Variants in SYT9 observed in about 807,000 individuals in gnomAD.
SYT9 encodes the protein synaptotagmin-9.
Under a neutral mutation model 48.4 loss-of-function variants are expected in SYT9, and 22 were observed. The observed-to-expected ratio is 0.45, with a 90% CI of 0.32 to 0.65. SYT9 has a LOEUF of 0.65. Among genes scored for constraint, SYT9 ranks in the 30% least tolerant of loss-of-function variants. The probability of loss-of-function intolerance (pLI) is 0.03; values close to 1 mark genes in which losing one functional copy is unlikely to be tolerated. For missense variants in SYT9, 577 were observed against 622.0 expected (o/e 0.93, Z 0.77); for synonymous variants, 265 against 245.0 (o/e 1.08, Z -0.76).
At chr11:7,379,728 A>G (rs1196859030) in intron 3 of SYT9, among the ~76,000 whole-genome samples, 1 of 152,102 alleles carries the variant, frequency 6.6e-6, no homozygotes, top group African/African-American at 2.4e-5. Context: ...TGGTTACTCA[A>G]CTGTCTTTCA....
intron 3 of SYT9, among the ~76,000 whole-genome samples, chr11:7,376,617 A>G (rs12786768): frequency 6.6e-6 from 1 of 151,754 alleles, no homozygotes; most frequent in Non-Finnish European, 1.5e-5. Flanking sequence ...GGCTGTTACC[A>G]AGAAGTGGAT....
intron 3 of SYT9, among the ~76,000 whole-genome samples, chr11:7,335,294 T>G (rs1021982555): frequency 2.6e-5 from 4 of 152,176 alleles, no homozygotes; most frequent in African/African-American, 9.7e-5. Flanking sequence ...TACAAAATCT[T>G]TGGTCAATTT....
intron 1 of SYT9, among the ~76,000 whole-genome samples, chr11:7,296,129 G>A (rs372250371): frequency 6.6e-6 from 1 of 152,164 alleles, no homozygotes; most frequent in African/African-American, 2.4e-5. Context: ...CTTACATTCA[G>A]TGAGCACTTC....
chr11:7,313,290 GCTC>G, intron 2 of SYT9, 102 bp from the exon 3 acceptor site: 1 of 1,219,864 alleles, frequency 8.2e-7, no homozygotes, highest in Non-Finnish European at 1.1e-6. Context: ...ACAGATCTAA[GCTC>G]CTGACAAAAT....
chr11:7,340,695 C>G (rs551719592), intron 3 of SYT9, among the ~76,000 whole-genome samples: 3 of 152,292 alleles, frequency 2.0e-5, no homozygotes, highest in East Asian at 1.9e-4. Context: ...TGCAGACTCT[C>G]TAGAGCCTGG....
chr11:7,442,483 A>C (rs1282999818), intron 6 of SYT9, among the ~76,000 whole-genome samples: 4 of 152,196 alleles, frequency 2.6e-5, no homozygotes, highest in African/African-American at 7.2e-5. Context: ...CGTGCTGCCA[A>C]CACTGTGACT....
chr11:7,309,026 T>C (rs1564856314), intron 2 of SYT9, among the ~76,000 whole-genome samples: 1 of 152,214 alleles, frequency 6.6e-6, no homozygotes, highest in African/African-American at 2.4e-5. Flanking sequence ...GGCGTGAAAG[T>C]ATGTTTTTGA....
chr11:7,278,789 A>G, intron 1 of SYT9, among the ~76,000 whole-genome samples: 1 of 152,220 alleles, frequency 6.6e-6, no homozygotes, highest in African/African-American at 2.4e-5. Flanking sequence ...GTGGAGAAGA[A>G]GGGGAGACTG....
At chr11:7,347,286 C>T (rs968073948) in intron 3 of SYT9, among the ~76,000 whole-genome samples, 2 of 151,898 alleles carry the variant, frequency 1.3e-5, no homozygotes, top group Non-Finnish European at 2.9e-5. Flanking sequence ...GGCTGGAGTG[C>T]GATGGCACGA....
chr11:7,242,599 T>G (rs1410179644), intron 1 of SYT9, among the ~76,000 whole-genome samples: 7 of 152,214 alleles, frequency 4.6e-5, no homozygotes, highest in Admixed American at 2.6e-4. Context: ...ATTTTAACTT[T>G]GAAATAGACC....
intron 6 of SYT9, among the ~76,000 whole-genome samples, chr11:7,446,169 G>T (rs943880140): frequency 6.6e-5 from 10 of 152,230 alleles, no homozygotes; most frequent in African/African-American, 1.9e-4. Context: ...GGCTGCAAAG[G>T]AAATGAAAAG....
intron 3 of SYT9, among the ~76,000 whole-genome samples, chr11:7,315,745 G>A (rs1163602398): frequency 6.6e-6 from 1 of 152,198 alleles, no homozygotes; most frequent in Non-Finnish European, 1.5e-5. Context: ...AGTGGCAGGT[G>A]ATGGAGACCT....
intron 1 of SYT9, among the ~76,000 whole-genome samples, chr11:7,294,487 C>T (rs1848755695): frequency 6.6e-6 from 1 of 152,130 alleles, no homozygotes; most frequent in South Asian, 2.1e-4. Flanking sequence ...ACCTGTGAAA[C>T]CAAACAAGTT....
intron 1 of SYT9, among the ~76,000 whole-genome samples, chr11:7,287,239 A>G (rs1332578727): frequency 1.3e-5 from 2 of 152,184 alleles, no homozygotes; most frequent in African/African-American, 2.4e-5. Context: ...TGAAGGGGGG[A>G]AAAGCCCCTT....
intron 3 of SYT9, among the ~76,000 whole-genome samples, chr11:7,384,561 G>A (rs1480803615): frequency 6.6e-6 from 1 of 152,096 alleles, no homozygotes; most frequent in Non-Finnish European, 1.5e-5. Context: ...CACCTGCACT[G>A]CTTTCTTTGG....
At chr11:7,441,024 G>A (rs1847821082) in intron 6 of SYT9, 1 of 152,262 alleles carries the variant, frequency 6.6e-6, no homozygotes, top group African/African-American at 2.4e-5. Flanking sequence ...CTAGATGTAA[G>A]TGATGGCCAT....
chr11:7,313,822 G>A lies in SYT9; in HGVS notation c.925G>A (p.Asp309Asn), dbSNP rs1849189767. 5 of 1,614,148 alleles carry A rather than the reference G, an allele frequency of 3.1e-6. No homozygotes were observed. Among genetic ancestry groups the A allele is most frequent in the Non-Finnish European group, 3.4e-6 (4 of 1,180,018 alleles). The stretch of plus-strand genomic sequence containing the variant: ...ACGGAAGCTTCACTTCTCTGTGTAC[G>A]ACTTTGACAGGTTCTCTCGTCATGA... ...EARKLHFSVY[D>N]FDRFSRHDLI... Residue 309 changes from aspartate to asparagine, a missense_variant, in exon 3 of 7, where the codon GAC becomes AAC. Transcript: ENST00000318881.
intron 1 of SYT9, among the ~76,000 whole-genome samples, chr11:7,295,794 T>C (rs1363148660): frequency 6.6e-6 from 1 of 152,226 alleles, no homozygotes; most frequent in Non-Finnish European, 1.5e-5. Flanking sequence ...TAGGCTATAG[T>C]AGTACTCTAT....
chr11:7,465,958 T>C (rs1848326247), intron 6 of SYT9: 1 of 152,590 alleles, frequency 6.6e-6, no homozygotes, highest in Non-Finnish European at 1.5e-5. Context: ...GCCGGGTCCC[T>C]TCCCACAACA....
Sources: gnomAD v4.1 joint callset for allele counts (sites outside exome capture counted in the v4.1 genomes callset) on GRCh38, gnomAD v4.1.1 for gene constraint, MANE v1.5 for transcripts, NCBI Gene and HGNC (gene_info 2026-07-23, HGNC 2026-07-21) for gene names.